AGBL1: variants seen among roughly 807,000 people sequenced by gnomAD.
AGBL1 encodes cytosolic carboxypeptidase 4.
AGBL1 carries 130 observed loss-of-function variants against 118.9 expected under a neutral mutation model. That is an observed-to-expected ratio of 1.09 (90% CI 0.95 to 1.26). The LOEUF (loss-of-function observed/expected upper bound fraction) is 1.26. Among genes scored for constraint, AGBL1 ranks in the 50% most tolerant of loss-of-function variants. The probability of loss-of-function intolerance (pLI) is 0.00; values close to 1 mark genes in which losing one functional copy is unlikely to be tolerated. For synonymous variants in AGBL1, 555 were observed against 478.9 expected, an observed-to-expected ratio of 1.16 and a Z score of -2.08; for missense variants, 1,584 against 1,298.1, an observed-to-expected ratio of 1.22 and a Z score of -3.38.
At chr15:86,694,229 A>G (rs2086218519) in intron 22 of AGBL1, among the ~76,000 whole-genome samples, 1 of 152,126 alleles carries the variant, frequency 6.6e-6, no homozygotes, top group Non-Finnish European at 1.5e-5. Flanking sequence ...CTCCAGGAGC[A>G]TGGGATGTGT....
intron 22 of AGBL1, among the ~76,000 whole-genome samples, chr15:86,852,253 A>T (rs1238250964): frequency 6.6e-6 from 1 of 152,126 alleles, no homozygotes; most frequent in Non-Finnish European, 1.5e-5. Flanking sequence ...GATGCCAGAC[A>T]CTTATAAAAC....
At chr15:86,652,553 C>T (rs946612496) in intron 21 of AGBL1, among the ~76,000 whole-genome samples, 5 of 151,962 alleles carry the variant, frequency 3.3e-5, no homozygotes, top group African/African-American at 7.3e-5. Context: ...ATACCTACCT[C>T]GGATTGTAGA....
intron 22 of AGBL1, among the ~76,000 whole-genome samples, chr15:86,693,347 C>T (rs551268793): frequency 6.6e-6 from 1 of 152,114 alleles, no homozygotes; most frequent in East Asian, 1.9e-4. Flanking sequence ...TTTCCCTGAT[C>T]ATTAGTGATG....
intron 22 of AGBL1, among the ~76,000 whole-genome samples, chr15:86,899,828 C>A (rs993893303): frequency 1.3e-5 from 2 of 152,040 alleles, no homozygotes; most frequent in Non-Finnish European, 1.5e-5. Context: ...TTGAAGGATG[C>A]GACATATTAT....
intron 16 of AGBL1, among the ~76,000 whole-genome samples, chr15:86,282,410 C>T (rs1439293255): frequency 6.6e-6 from 1 of 152,092 alleles, no homozygotes; most frequent in African/African-American, 2.4e-5. Context: ...TACTTTTGAG[C>T]CTACTGACTG....
chr15:86,432,991 T>C (rs2081954128), intron 18 of AGBL1, among the ~76,000 whole-genome samples: 1 of 152,118 alleles, frequency 6.6e-6, no homozygotes, highest in Admixed American at 6.5e-5. Flanking sequence ...CCAGTCCTGG[T>C]GATCATATCA....
At chr15:86,904,007 G>A (rs889867007) in intron 22 of AGBL1, among the ~76,000 whole-genome samples, 9 of 138,668 alleles carry the variant, frequency 6.5e-5, no homozygotes, top group African/African-American at 2.5e-4. Context: ...GGTGAGAGTA[G>A]AAGCCTAGGC....
chr15:86,958,345 C>A (rs1306967266), intron 23 of AGBL1, among the ~76,000 whole-genome samples: 1 of 152,034 alleles, frequency 6.6e-6, no homozygotes, highest in Non-Finnish European at 1.5e-5. Context: ...CCAGACATTG[C>A]CAAATGCCCT....
intron 24 of AGBL1, among the ~76,000 whole-genome samples, chr15:87,013,144 CT>C (rs1422183204): frequency 2.6e-5 from 4 of 152,158 alleles, no homozygotes; most frequent in African/African-American, 9.7e-5. Flanking sequence ...TCTCAGGGCA[CT>C]CTTGGAAATT....
intron 23 of AGBL1, among the ~76,000 whole-genome samples, chr15:86,951,705 T>C (rs1272827931): frequency 6.6e-6 from 1 of 152,248 alleles, no homozygotes; most frequent in Non-Finnish European, 1.5e-5. Flanking sequence ...ATCATATTTA[T>C]TGATCTGAAA....
chr15:86,079,647 G>C (rs943622266), upstream of AGBL1: 1 of 223,202 alleles, frequency 4.5e-6, no homozygotes, highest in Non-Finnish European at 8.8e-6. Flanking sequence ...AGCCATCCAG[G>C]GTGGCTTCTC....
At chr15:86,085,078 T>C (rs531305306) in intron 1 of AGBL1, among the ~76,000 whole-genome samples, 1 of 152,274 alleles carries the variant, frequency 6.6e-6, no homozygotes, top group East Asian at 1.9e-4. Context: ...GAAAATGTGG[T>C]ATAGGAGCTA....
intron 21 of AGBL1, among the ~76,000 whole-genome samples, chr15:86,671,038 A>T (rs545916635): frequency 6.6e-6 from 1 of 152,200 alleles, no homozygotes; most frequent in African/African-American, 2.4e-5. Flanking sequence ...CTTGCCTGAC[A>T]CTCATTTCTA....
intron 14 of AGBL1, among the ~76,000 whole-genome samples, chr15:86,271,000 T>C (rs1200418521): frequency 1.3e-5 from 2 of 151,748 alleles, no homozygotes; most frequent in East Asian, 1.9e-4. Flanking sequence ...TCAAAGCTAG[T>C]AGTGTTGCAT....
At chr15:86,762,455 T>A (rs868211629) in intron 22 of AGBL1, among the ~76,000 whole-genome samples, 2 of 152,010 alleles carry the variant, frequency 1.3e-5, no homozygotes, top group South Asian at 4.1e-4. Context: ...TAAAGAGTCA[T>A]GTTAATATCC....
chr15:86,791,776 A>G (rs2078497456), intron 22 of AGBL1, among the ~76,000 whole-genome samples: 1 of 150,038 alleles, frequency 6.7e-6, no homozygotes, highest in African/African-American at 2.5e-5. Flanking sequence ...TTGCTCTGTC[A>G]TCCAGACTGG....
intron 22 of AGBL1, among the ~76,000 whole-genome samples, chr15:86,799,132 T>G: frequency 6.6e-6 from 1 of 151,872 alleles, no homozygotes; most frequent in East Asian, 1.9e-4. Context: ...CTTTTGTTTG[T>G]ATCTGAATGC....
intron 22 of AGBL1, among the ~76,000 whole-genome samples, chr15:86,752,590 G>T (rs1489854531): frequency 6.6e-6 from 1 of 152,016 alleles, no homozygotes; most frequent in Non-Finnish European, 1.5e-5. Context: ...CCCTGTTTCT[G>T]CTCCAGGCTC....
chr15:86,836,427 C>T (rs1282769141), intron 22 of AGBL1, among the ~76,000 whole-genome samples: 2 of 152,154 alleles, frequency 1.3e-5, no homozygotes, highest in African/African-American at 2.4e-5. Context: ...AATTAATTAA[C>T]ACAGTGTAAT....
Sources: allele counts gnomAD v4.1 joint callset (sites outside exome capture counted in the v4.1 genomes callset), GRCh38; gene constraint gnomAD v4.1.1; transcripts MANE v1.5; gene names NCBI Gene and HGNC (gene_info 2026-07-23, HGNC 2026-07-21).